ENDOG: variants seen among roughly 807,000 people sequenced by gnomAD.
The protein encoded by ENDOG is endonuclease G, mitochondrial.
Under a neutral mutation model 22.6 loss-of-function variants are expected in ENDOG, and 22 were observed. The ratio of observed to expected loss-of-function variants is 0.97; its 90% confidence interval spans 0.70 to 1.39. The LOEUF is 1.39. ENDOG is among the 40% of genes most tolerant of loss of function. The pLI is 0.00. For missense variants in ENDOG, 403 were observed against 431.3 expected (o/e 0.93, Z 0.58); for synonymous variants, 173 against 200.2 (o/e 0.86, Z 1.15).
Position 128,820,603 on chromosome 9 carries a change from T to C in ENDOG, c.502-136T>C, listed in dbSNP as rs961288797. ...GGTTTCAGGGAGTGACTTTCATTCC[T>C]TGAGCCTCAGTTTCCCCCCGCTTGT... On this transcript the variant is annotated intron_variant, in intron 1 of 2. Coordinates refer to ENST00000372642, the MANE Select transcript of ENDOG (RefSeq NM_004435.2). 5 of 716,520 alleles carry C rather than the reference T, an allele frequency of 7.0e-6. No homozygotes were observed. The African/African-American group carries it at 8.9e-5, about 13-fold the overall frequency. 44.4% of individuals were successfully genotyped at this position (716,520 alleles called of 1,614,324 possible).
chr9:128,820,297 C>T (rs1463581315), intron 1 of ENDOG: 2 of 158,636 alleles, frequency 1.3e-5, no homozygotes, highest in East Asian at 3.7e-4. Context: ...CCCCTATCCA[C>T]TTTCCATTGT....
intron 1 of ENDOG, among the ~76,000 whole-genome samples, chr9:128,819,469 T>C (rs1340132119): frequency 6.6e-6 from 1 of 152,136 alleles, no homozygotes; most frequent in African/African-American, 2.4e-5. Context: ...CCTCCTGCGG[T>C]AGTGATGAGG....
chr9:128,822,091 T>C (rs1261271081), intron 2 of ENDOG: 1 of 576,942 alleles, frequency 1.7e-6, no homozygotes, highest in Non-Finnish European at 3.1e-6. Context: ...GCGTTTATTG[T>C]CGCCCACTCT....
At position 128,819,326 on chromosome 9, in the gene ENDOG, G is replaced by A; in HGVS notation, c.501+141G>A. 2.3e-6 allele frequency: 3 copies of A among 1,293,756 alleles called. No homozygotes were observed. In the South Asian group the frequency reaches 5.1e-5, roughly 22 times the overall value. 80.1% of individuals were successfully genotyped at this position (1,293,756 alleles called of 1,614,324 possible). On this transcript the variant is annotated intron_variant, in intron 1 of 2. Transcript: ENST00000372642. The stretch of plus-strand genomic sequence containing the variant: ...ATCGCAGTGACATCCCGTGGCGGGA[G>A]GGAGGAGCACTGGGCTCCAGGCACA...
intron 2 of ENDOG, chr9:128,821,451 C>G (rs1253611206): frequency 3.1e-5 from 5 of 160,466 alleles, no homozygotes; most frequent in South Asian, 1.6e-4. Flanking sequence ...CGCGGTGCAC[C>G]AGGCTCTCCC....
In ENDOG at chr9:128,819,158, G is replaced by T. The variant is rs945674769; in HGVS notation, c.474G>T (p.Thr158=). 6.6e-7 allele frequency: 1 copy of T among 1,509,096 alleles called. No homozygotes were observed. The allele number at this position is 1,509,096 out of a possible 1,614,324, so 93.5% of individuals were successfully genotyped here. ...GGAGCCAGAAGGCCATGGACGACACGTTCTACCTGAGCAACGTCGCGCCCC... is the reference window on the plus strand; with the variant it reads ...GGAGCCAGAAGGCCATGGACGACACTTTCTACCTGAGCAACGTCGCGCCCC... The part of the protein sequence containing the change: ...HRWSQKAMDD[T]FYLSNVAPQV... Residue 158 remains threonine, a synonymous_variant, in exon 1 of 3, where the codon ACG becomes ACT. Coordinates refer to ENST00000372642, the MANE Select transcript of ENDOG (RefSeq NM_004435.2).
Position 128,818,763 on chromosome 9 carries a change from C to T in ENDOG, c.79C>T (p.Arg27Trp), listed in dbSNP as rs1018815270. The T allele has an allele frequency of 2.5e-6, 3 of 1,177,888 alleles. No individual in the cohort carries two copies. In the African/African-American group the frequency reaches 4.8e-5, roughly 19 times the overall value. 73.0% of individuals were successfully genotyped at this position (1,177,888 alleles called of 1,614,324 possible). ...GAVVEGWRRR[R>W]EDARAAPGLL... is the part of the protein sequence containing the mutation. ...GGTCGTCGAGGGCTGGCGGCGGCGGCGGGAGGACGCGCGGGCGGCGCCGGG... is the reference window on the plus strand; with the variant it reads ...GGTCGTCGAGGGCTGGCGGCGGCGGTGGGAGGACGCGCGGGCGGCGCCGGG... Residue 27 changes from arginine (R) to tryptophan (W), a missense_variant, in exon 1 of 3, where the codon CGG becomes TGG. Physicochemically the swap from Arg to Trp is moderately radical, Grantham distance 101 (BLOSUM62 -3). Transcript: ENST00000372642.
rs757483108 is a variant in ENDOG at position 128,822,383 on chromosome 9, G to A, written c.667G>A (p.Val223Met). The change falls in exon 3 of 3, where the codon GTG becomes ATG. Residue 223 changes from valine (V) to methionine (M), a missense_variant. Transcript: ENST00000372642. The part of the protein sequence containing the change: ...VKYQVIGKNH[V>M]AVPTHFFKVL... ...GTACCAGGTCATCGGCAAGAACCAC[G>A]TGGCAGTGCCCACACACTTCTTCAA... 12 of 1,613,560 alleles carry A rather than the reference G, an allele frequency of 7.4e-6. 1 individual carries two copies. The highest frequency in any genetic ancestry group is 3.3e-5 in the South Asian group (3 of 90,964).
intron 2 of ENDOG, chr9:128,822,105 T>C (rs1287987879): frequency 1.7e-6 from 1 of 593,334 alleles, no homozygotes; most frequent in Non-Finnish European, 3.0e-6. Context: ...CCACTCTGCC[T>C]GACCCAGTGT....
Position 128,822,449 on chromosome 9 carries a change from C to A in ENDOG, c.733C>A (p.Arg245Ser), listed in dbSNP as rs752642388. 6.3e-7 allele frequency: 1 copy of A among 1,587,702 alleles called. No homozygotes were observed. The highest frequency in any genetic ancestry group is 1.3e-5 in the African/African-American group (1 of 74,434). Residue 245 changes from arginine (R) to serine (S), a missense_variant, in exon 3 of 3, where the codon CGC (arginine) becomes AGC (serine). Arg to Ser is a moderately radical substitution (Grantham distance 110). Coordinates refer to ENST00000372642, the MANE Select transcript of ENDOG (RefSeq NM_004435.2). The part of the protein sequence containing the change: ...LEAAGGQIEL[R>S]TYVMPNAPVD... ...GGCAGCAGGTGGGCAAATTGAGCTC[C>A]GCACCTACGTGATGCCCAACGCACC...
rs1830043277 is a variant in ENDOG, at chr9:128,818,678, C to G, written c.-7C>G. 1.2e-5 allele frequency: 14 copies of G among 1,166,006 alleles called. No individual in the cohort carries two copies. In the East Asian group the frequency reaches 5.5e-4, roughly 46 times the overall value. The allele number at this position is 1,166,006 out of a possible 1,614,324, so 72.2% of individuals were successfully genotyped here. A position where few individuals can be genotyped will look rare whatever the true frequency, so the allele number is the denominator to read the frequency against. On this transcript the variant is annotated 5_prime_UTR_variant, in exon 1 of 3. Transcript: ENST00000372642. Reference sequence around the variant, plus strand: ...CGGGTCGCCCGCCGCTAGGTCGCTCCCCGGCCATGCGGGCGCTGCGGGCCG... The same window carrying G: ...CGGGTCGCCCGCCGCTAGGTCGCTCGCCGGCCATGCGGGCGCTGCGGGCCG...
intron 1 of ENDOG, chr9:128,820,432 T>TG (rs1830086545): frequency 3.0e-6 from 1 of 329,662 alleles, no homozygotes; most frequent in African/African-American, 2.1e-5. Context: ...CAGGAGACCC[T>TG]GGGTGGGGCT....
At chr9:128,820,447 A>G in intron 1 of ENDOG, 1 of 378,366 alleles carries the variant, frequency 2.6e-6, no homozygotes, top group South Asian at 4.0e-5. Flanking sequence ...GGGGCTGGGG[A>G]CAGGCCTCAG....
Position 128,818,847 on chromosome 9 carries a change from C to A in ENDOG, c.163C>A (p.Pro55Thr), listed in dbSNP as rs938890042. The change falls in exon 1 of 3, where the codon CCC becomes ACC. Residue 55 changes from proline (P) to threonine (T), a missense_variant. Coordinates refer to ENST00000372642, the MANE Select transcript of ENDOG (RefSeq NM_004435.2). Reference sequence around the variant, plus strand: ...GGCGGCAGCCGAGTTGCCCCCTGTGCCCGGGGGACCCCGCGGCCCGGGCGA... The same window carrying A: ...GGCGGCAGCCGAGTTGCCCCCTGTGACCGGGGGACCCCGCGGCCCGGGCGA... ...VAAAAELPPV[P>T]GGPRGPGELA... 4.3e-6 allele frequency: 6 copies of A among 1,389,370 alleles called. No homozygotes were observed. The highest frequency in any genetic ancestry group is 1.5e-5 in the African/African-American group (1 of 66,138). 86.1% of individuals were successfully genotyped at this position (1,389,370 alleles called of 1,614,324 possible). A position where few individuals can be genotyped will look rare whatever the true frequency, so the allele number is the denominator to read the frequency against.
At chr9:128,821,434 G>A (rs1224638726) in intron 2 of ENDOG, 3 of 161,870 alleles carry the variant, frequency 1.9e-5, no homozygotes, top group African/African-American at 7.3e-5. Context: ...CCTTCCCCCT[G>A]CAGGTCCGCG....
At chr9:128,821,875 C>T (rs1006761992) in intron 2 of ENDOG, 1 of 185,132 alleles carries the variant, frequency 5.4e-6, no homozygotes, top group Non-Finnish European at 1.1e-5. Context: ...ATTTCATTAG[C>T]AGGTGCCTCC....
In ENDOG at chr9:128,819,103, G is replaced by T; in HGVS notation, c.419G>T (p.Gly140Val). The change falls in exon 1 of 3, where the codon GGT becomes GTT. Residue 140 changes from glycine to valine, a missense_variant. By Grantham distance (109) the Gly-to-Val change is moderately radical. Coordinates refer to ENST00000372642, the MANE Select transcript of ENDOG (RefSeq NM_004435.2). ...TACCGCGGCAGTGGCTTCGACCGCG[G>T]TCACCTGGCCGCCGCCGCCAACCAC... ...ADYRGSGFDR[G>V]HLAAAANHRW... is the part of the protein sequence containing the mutation. 6.6e-7 allele frequency: 1 copy of T among 1,519,626 alleles called. No individual in the cohort carries two copies. The allele number at this position is 1,519,626 out of a possible 1,614,324, so 94.1% of individuals were successfully genotyped here.
At position 128,818,745 on chromosome 9, in the gene ENDOG, G is replaced by C; in HGVS notation, c.61G>C (p.Glu21Gln). ...ASGAGLGAVV[E>Q]GWRRRREDAR... is the part of the protein sequence containing the mutation. The stretch of plus-strand genomic sequence containing the variant: ...GGGCGCGGGGCTGGGTGCGGTCGTC[G>C]AGGGCTGGCGGCGGCGGCGGGAGGA... The change falls in exon 1 of 3, where the codon GAG becomes CAG. Residue 21 changes from glutamate (E) to glutamine (Q), a missense_variant. Physicochemically the swap from Glu to Gln is conservative, Grantham distance 29. Coordinates refer to ENST00000372642, the MANE Select transcript of ENDOG (RefSeq NM_004435.2). 19 of 1,176,510 alleles carry C rather than the reference G, an allele frequency of 1.6e-5. No individual in the cohort carries two copies. Among genetic ancestry groups the C allele is most frequent in the Non-Finnish European group, 2.0e-5 (19 of 952,988 alleles). 72.9% of individuals were successfully genotyped at this position (1,176,510 alleles called of 1,614,324 possible). A position where few individuals can be genotyped will look rare whatever the true frequency, so the allele number is the denominator to read the frequency against.
At position 128,821,323 on chromosome 9, in the gene ENDOG, C is replaced by A. The variant is rs918877291; in HGVS notation, c.611+475C>A. On this transcript the variant is annotated intron_variant, in intron 2 of 2. Coordinates refer to ENST00000372642, the MANE Select transcript of ENDOG (RefSeq NM_004435.2). The stretch of plus-strand genomic sequence containing the variant: ...GCTCTCCCGCCTTCCCCATGCAGGT[C>A]CCCAGTGCACCGAGCTCTCACGCCT... 3 of 180,190 alleles carry A rather than the reference C, an allele frequency of 1.7e-5. No homozygotes were observed. The South Asian group carries it at 2.9e-4, about 18-fold the overall frequency. The allele number at this position is 180,190 out of a possible 1,614,324, so 11.2% of individuals were successfully genotyped here.
Sources: allele counts gnomAD v4.1 joint callset (sites outside exome capture counted in the v4.1 genomes callset), GRCh38; gene constraint gnomAD v4.1.1; transcripts MANE v1.5; gene names NCBI Gene and HGNC (gene_info 2026-07-23, HGNC 2026-07-21).